Variants in EYS observed in about 807,000 individuals in gnomAD.
The protein encoded by EYS is EGF-like photoreceptor maintenance factor.
A neutral mutation model predicts 282.1 loss-of-function variants in EYS; 250 were observed. The ratio of observed to expected loss-of-function variants is 0.89; its 90% CI spans 0.80 to 0.98. The LOEUF is 0.98. EYS is among the 50% of genes least tolerant of loss of function. EYS has a pLI of 0.00. For synonymous variants in EYS, 1,355 were observed against 1,282.9 expected, an observed-to-expected ratio of 1.06 and a Z score of -1.20; for missense variants, 4,016 against 3,709.0, an observed-to-expected ratio of 1.08 and a Z score of -2.15.
At chr6:65,073,627 G>A (rs1446391826) in intron 12 of EYS, among the ~76,000 whole-genome samples, 1 of 151,372 alleles carries the variant, frequency 6.6e-6, no homozygotes, top group East Asian at 1.9e-4. Context: ...ATGTTACATT[G>A]ATTATATTTT....
intron 26 of EYS, among the ~76,000 whole-genome samples, chr6:64,573,647 T>C (rs1003346425): frequency 1.3e-5 from 2 of 151,772 alleles, no homozygotes; most frequent in Non-Finnish European, 2.9e-5. Context: ...AAGAAGACAT[T>C]TATGCAGGCA....
chr6:64,570,176 C>T (rs1765681531), intron 26 of EYS, among the ~76,000 whole-genome samples: 1 of 152,186 alleles, frequency 6.6e-6, no homozygotes, highest in Admixed American at 6.5e-5. Flanking sequence ...CCCAGAATTT[C>T]ATATCCAGCC....
chr6:64,952,337 T>C (rs542863793), intron 14 of EYS, among the ~76,000 whole-genome samples: 1 of 152,142 alleles, frequency 6.6e-6, no homozygotes, highest in African/African-American at 2.4e-5. Context: ...GCTCTAAGAA[T>C]TATGACTTAT....
At chr6:63,791,294 G>A (rs1029343708) in intron 37 of EYS, among the ~76,000 whole-genome samples, 6 of 152,018 alleles carry the variant, frequency 3.9e-5, no homozygotes, top group Admixed American at 3.9e-4. Flanking sequence ...GGCCGGGCAC[G>A]GTGGCTCACG....
intron 32 of EYS, among the ~76,000 whole-genome samples, chr6:64,078,785 G>A (rs570484494): frequency 3.5e-4 from 53 of 152,078 alleles, no homozygotes; most frequent in African/African-American, 1.2e-3. Flanking sequence ...TGATCCTATG[G>A]CACTATCATC....
intron 35 of EYS, among the ~76,000 whole-genome samples, chr6:63,969,216 G>C (rs769838632): frequency 6.6e-6 from 1 of 152,116 alleles, no homozygotes; most frequent in South Asian, 2.1e-4. Flanking sequence ...CTTGCAAAAT[G>C]ACTAGCATAG....
At chr6:64,700,920 C>G (rs568222858) in intron 22 of EYS, among the ~76,000 whole-genome samples, 1 of 152,088 alleles carries the variant, frequency 6.6e-6, no homozygotes, top group South Asian at 2.1e-4. Context: ...CAATGAAATT[C>G]TAAGCAAAAA....
chr6:64,146,974 T>C (rs1774539753), intron 31 of EYS, among the ~76,000 whole-genome samples: 1 of 152,152 alleles, frequency 6.6e-6, no homozygotes, highest in African/African-American at 2.4e-5. Context: ...GCATGGAACA[T>C]AGGTAGTAGA....
chr6:64,958,868 T>TTG (rs1769817231), intron 14 of EYS, among the ~76,000 whole-genome samples: 2 of 151,988 alleles, frequency 1.3e-5, no homozygotes, highest in Non-Finnish European at 2.9e-5. Context: ...TAAGAGGAAT[T>TTG]CTGGAAACAT....
chr6:64,686,773 A>ATATATATATATATATGTG (rs1770129674), intron 22 of EYS, among the ~76,000 whole-genome samples: 4 of 8,928 alleles, frequency 4.5e-4, no homozygotes, highest in Non-Finnish European at 3.5e-3. Context: ...GTGTGTATAT[A>ATATATATATATATATGTG]TATATATATA....
chr6:65,616,910 T>G (rs1221887401), intron 2 of EYS, among the ~76,000 whole-genome samples: 2 of 152,176 alleles, frequency 1.3e-5, no homozygotes, highest in Admixed American at 6.5e-5. Flanking sequence ...ACTAATACAT[T>G]GAAGCTTTTA....
intron 22 of EYS, among the ~76,000 whole-genome samples, chr6:64,679,485 T>C (rs1284022561): frequency 2.6e-5 from 4 of 152,190 alleles, no homozygotes; most frequent in African/African-American, 9.7e-5. Context: ...TATATAATAC[T>C]GCTGGGAAAA....
rs554731516 is a variant in EYS at position 64,650,319 on chromosome 6, AAC to A, written c.3444-24076_3444-24075del. 2.7e-3 allele frequency among the ~76,000 whole-genome samples: 415 copies of A among 152,110 alleles called. 2 individuals carry two copies. Among genetic ancestry groups the A allele is most frequent in the African/African-American group, 9.4e-3 (391 of 41,578 alleles). ...TTAAAATTATATTAATAAAAGTGGTAACACATTAATTTAACATTAATTTAAAA... is the reference window on the plus strand; with the variant it reads ...TTAAAATTATATTAATAAAAGTGGTAACATTAATTTAACATTAATTTAAAA... On this transcript the variant is annotated intron_variant, in intron 22 of 42. Transcript: ENST00000503581.
At chr6:64,771,060 T>C (rs1773509577) in intron 22 of EYS, among the ~76,000 whole-genome samples, 1 of 151,800 alleles carries the variant, frequency 6.6e-6, no homozygotes, top group Non-Finnish European at 1.5e-5. Context: ...TTCTGAAACT[T>C]GCTATTCCTT....
In EYS at chr6:65,453,209, T is replaced by C. The variant is rs903351464; in HGVS notation, c.862+37385A>G. 5.3e-5 allele frequency among the ~76,000 whole-genome samples: 8 copies of C among 152,152 alleles called. No individual in the cohort carries two copies. In the South Asian group the frequency reaches 1.5e-3, roughly 28 times the overall value. On this transcript the variant is annotated intron_variant, in intron 5 of 42. Coordinates refer to ENST00000503581, the MANE Select transcript of EYS (RefSeq NM_001142800.2). ...TAACTATTTATGTATTTAACTTCTA[T>C]ACTGTTTTCAAGCAAACTGTACTGT...
At chr6:63,994,089 G>T (rs1484129228) in intron 34 of EYS, among the ~76,000 whole-genome samples, 1 of 151,932 alleles carries the variant, frequency 6.6e-6, no homozygotes, top group African/African-American at 2.4e-5. Context: ...ACATGCAAAA[G>T]AGTGTCATTT....
chr6:64,332,820 G>C (rs1770697228), intron 29 of EYS, among the ~76,000 whole-genome samples: 1 of 152,108 alleles, frequency 6.6e-6, no homozygotes, highest in South Asian at 2.1e-4. Context: ...AAGTAAATGT[G>C]GATTGAATTT....
At chr6:64,623,099 T>C (rs571750197) in intron 23 of EYS, among the ~76,000 whole-genome samples, 7 of 152,318 alleles carry the variant, frequency 4.6e-5, no homozygotes, top group South Asian at 2.1e-4. Flanking sequence ...ATTGATTTTA[T>C]TGGGGAAGGC....
intron 12 of EYS, among the ~76,000 whole-genome samples, chr6:65,294,483 A>G (rs532856025): frequency 2.6e-5 from 4 of 152,028 alleles, no homozygotes; most frequent in African/African-American, 9.6e-5. Flanking sequence ...TACCAATTTT[A>G]TATTATATTC....
Sources: allele counts gnomAD v4.1 joint callset (sites outside exome capture counted in the v4.1 genomes callset), GRCh38; gene constraint gnomAD v4.1.1; transcripts MANE v1.5; gene names NCBI Gene and HGNC (gene_info 2026-07-23, HGNC 2026-07-21).